The following SQOR variants were observed in gnomAD, a reference collection of about 807,000 sequenced individuals.
SQOR encodes sulfide quinone oxidoreductase.
In SQOR, 39 loss-of-function variants were observed where a neutral mutation model predicts 48.6. The ratio of observed to expected loss-of-function variants is 0.80; its 90% CI spans 0.62 to 1.05. The LOEUF (loss-of-function observed/expected upper bound fraction) is 1.05. Ranked by LOEUF, SQOR falls within the 50% of genes least tolerant of loss-of-function variation. The pLI, the probability that SQOR is intolerant of heterozygous loss-of-function variation, is 0.00. For missense variants in SQOR, 561 were observed against 559.9 expected (o/e 1.00, Z -0.02); for synonymous variants, 220 against 206.2 (o/e 1.07, Z -0.57).
At chr15:45,682,893 G>C (rs1890149766) in intron 7 of SQOR, among the ~76,000 whole-genome samples, 1 of 152,022 alleles carries the variant, frequency 6.6e-6, no homozygotes. Context: ...TCAGGCGTGT[G>C]GTGGGCGCCT....
intron 3 of SQOR, among the ~76,000 whole-genome samples, chr15:45,665,017 C>T (rs1420159999): frequency 6.6e-6 from 1 of 152,104 alleles, no homozygotes; most frequent in Non-Finnish European, 1.5e-5. Context: ...AGACCTCTCT[C>T]ATATCACACA....
intron 2 of SQOR, among the ~76,000 whole-genome samples, chr15:45,660,946 C>T (rs143010883): frequency 1.2e-3 from 184 of 152,230 alleles, no homozygotes; most frequent in African/African-American, 4.3e-3. Flanking sequence ...CAAATCTGCC[C>T]TTTGCCCCTA....
intron 7 of SQOR, among the ~76,000 whole-genome samples, chr15:45,686,432 G>T (rs1030611848): frequency 7.2e-5 from 11 of 152,076 alleles, no homozygotes; most frequent in African/African-American, 2.7e-4. Context: ...GATTACAGGC[G>T]TGAGCCACCG....
At chr15:45,662,206 T>G (rs1180920564) in intron 3 of SQOR, 81 bp downstream of exon 3, 1 of 1,489,964 alleles carries the variant, frequency 6.7e-7, no homozygotes, top group African/African-American at 1.4e-5. Flanking sequence ...GATAGCCTTG[T>G]GTTGAAAGAG....
intron 1 of SQOR, among the ~76,000 whole-genome samples, 163 bp downstream of exon 1, chr15:45,635,271 G>A (rs1476939695): frequency 6.6e-6 from 1 of 152,194 alleles, no homozygotes; most frequent in East Asian, 1.9e-4. Context: ...CCTCAACTCC[G>A]GACACCTGCA....
intron 6 of SQOR, among the ~76,000 whole-genome samples, chr15:45,678,195 C>T (rs953625897): frequency 6.6e-6 from 1 of 152,190 alleles, no homozygotes; most frequent in Non-Finnish European, 1.5e-5. Flanking sequence ...AATAAGAAGT[C>T]TGTGGGAAGA....
upstream of SQOR, among the ~76,000 whole-genome samples, chr15:45,632,874 C>T (rs944833756): frequency 3.3e-5 from 5 of 150,626 alleles, no homozygotes; most frequent in Admixed American, 2.0e-4. Context: ...GAGGCTGAGG[C>T]GGGAGGATGG....
At chr15:45,633,707 AAAAAAAG>A (rs1894942697), upstream of SQOR, among the ~76,000 whole-genome samples, 1 of 151,076 alleles carries the variant, frequency 6.6e-6, no homozygotes, top group African/African-American at 2.5e-5. Flanking sequence ...AAAAAAAAAA[AAAAAAAG>A]AAGAAGAAGA....
intron 5 of SQOR, 36 bp downstream of exon 5, chr15:45,673,837 C>T (rs371484062): frequency 4.6e-5 from 74 of 1,598,252 alleles, no homozygotes; most frequent in Middle Eastern, 1.7e-4. Context: ...ATGAGCAGGG[C>T]GGACAGTGCT....
intron 9 of SQOR, among the ~76,000 whole-genome samples, chr15:45,690,687 T>C (rs937461939): frequency 2.6e-5 from 4 of 152,222 alleles, no homozygotes; most frequent in African/African-American, 9.6e-5. Flanking sequence ...TATGAGGTAA[T>C]GAAAGCAGAA....
chr15:45,663,526 G>A (rs111663338), intron 3 of SQOR, among the ~76,000 whole-genome samples: 9 of 152,116 alleles, frequency 5.9e-5, no homozygotes, highest in Non-Finnish European at 8.8e-5. Context: ...AACACCTTGG[G>A]AGGCTGAGGT....
intron 1 of SQOR, among the ~76,000 whole-genome samples, chr15:45,638,202 G>A (rs912798765): frequency 1.3e-5 from 2 of 152,200 alleles, no homozygotes; most frequent in African/African-American, 2.4e-5. Context: ...ATCTATGTCT[G>A]TAACTTTGGG....
At chr15:45,662,370 C>T (rs186986509) in intron 3 of SQOR, among the ~76,000 whole-genome samples, 1 of 152,226 alleles carries the variant, frequency 6.6e-6, no homozygotes, top group Non-Finnish European at 1.5e-5. Context: ...CACTGTGCAC[C>T]CTATTGCTTA....
intron 1 of SQOR, among the ~76,000 whole-genome samples, chr15:45,644,259 TG>T (rs1346759001): frequency 6.6e-6 from 1 of 152,118 alleles, no homozygotes; most frequent in Non-Finnish European, 1.5e-5. Context: ...GGCTAATTTT[TG>T]TATTTTTCAG....
intron 5 of SQOR, among the ~76,000 whole-genome samples, chr15:45,674,193 T>C (rs565088511): frequency 6.6e-6 from 1 of 152,308 alleles, no homozygotes; most frequent in Non-Finnish European, 1.5e-5. Context: ...TCCCAGCACT[T>C]TGGGAGGCCA....
intron 1 of SQOR, among the ~76,000 whole-genome samples, chr15:45,652,331 GTGAT>G (rs926122244): frequency 1.8e-4 from 27 of 151,140 alleles, no homozygotes; most frequent in African/African-American, 6.1e-4. Flanking sequence ...CTTCCATTGA[GTGAT>G]TGATTGATTG....
chr15:45,651,008 ACC>A (rs1889474944), intron 1 of SQOR, among the ~76,000 whole-genome samples: 1 of 151,522 alleles, frequency 6.6e-6, no homozygotes, highest in South Asian at 2.1e-4. Context: ...CGCACCGCGC[ACC>A]TGCACTCCTC....
chr15:45,645,411 C>T lies in SQOR; in HGVS notation c.-18+10303C>T, dbSNP rs533837770. Among the ~76,000 whole-genome samples, 9 of 152,248 alleles carry T rather than the reference C, an allele frequency of 5.9e-5. 1 individual carries two copies. In the South Asian group the frequency reaches 1.0e-3, roughly 18 times the overall value. ...TGGGGTGCCTAGAAATTTGGTCAAA[C>T]GGTATTCTGGGTGTGCCTGTGAGGG... On this transcript the variant is annotated intron_variant, in intron 1 of 9. Coordinates refer to ENST00000260324, the MANE Select transcript of SQOR (RefSeq NM_021199.4).
At chr15:45,664,172 A>G (rs1889771255) in intron 3 of SQOR, among the ~76,000 whole-genome samples, 1 of 152,184 alleles carries the variant, frequency 6.6e-6, no homozygotes, top group South Asian at 2.1e-4. Context: ...TTAACTCTTC[A>G]TCTTTTTAGA....
Sources: allele counts gnomAD v4.1 joint callset (sites outside exome capture counted in the v4.1 genomes callset), GRCh38; gene constraint gnomAD v4.1.1; transcripts MANE v1.5; gene names NCBI Gene and HGNC (gene_info 2026-07-23, HGNC 2026-07-21).